Variants in AKAP19 observed in about 807,000 individuals in gnomAD.
The protein encoded by AKAP19 is A-kinase anchoring protein 19, also known as small A-kinase anchoring protein.
chr2:189,913,158 T>C, the AKAP19 span, among the ~76,000 whole-genome samples: 1 of 152,142 alleles, frequency 6.6e-6, no homozygotes, highest in South Asian at 2.1e-4. Context: ...GAACTTCTTT[T>C]TCTAAACCTA....
the AKAP19 span, among the ~76,000 whole-genome samples, chr2:189,958,207 A>G: frequency 2.0e-5 from 3 of 152,220 alleles, no homozygotes; most frequent in East Asian, 1.9e-4. Context: ...GAGCAACACC[A>G]TAAGGAACTG....
At chr2:190,190,264 T>C in the AKAP19 span, among the ~76,000 whole-genome samples, 1 of 152,202 alleles carries the variant, frequency 6.6e-6, no homozygotes, top group Non-Finnish European at 1.5e-5. Context: ...ACTACTATGA[T>C]TTCTATTCAT....
chr2:189,911,702 T>C, the AKAP19 span, among the ~76,000 whole-genome samples: 1 of 152,136 alleles, frequency 6.6e-6, no homozygotes, highest in Non-Finnish European at 1.5e-5. Context: ...CTTTAAAGGC[T>C]GATTTTTTTA....
the AKAP19 span, among the ~76,000 whole-genome samples, chr2:189,905,244 G>A: frequency 4.0e-5 from 6 of 151,844 alleles, no homozygotes; most frequent in African/African-American, 1.2e-4. Context: ...AGAAGCTGAC[G>A]CTTTAGTTGC....
At chr2:189,923,234 G>A in the AKAP19 span, 1 of 1,188,414 alleles carries the variant, frequency 8.4e-7, no homozygotes, top group Admixed American at 2.2e-5. Flanking sequence ...AGCAGCAGTC[G>A]GCTTCTCTAC....
the AKAP19 span, among the ~76,000 whole-genome samples, chr2:190,190,389 T>C: frequency 6.6e-6 from 1 of 152,248 alleles, no homozygotes; most frequent in Non-Finnish European, 1.5e-5. Flanking sequence ...TTCATCCTTT[T>C]TTAATTGTCA....
chr2:189,966,062 T>C, the AKAP19 span, among the ~76,000 whole-genome samples: 2 of 152,156 alleles, frequency 1.3e-5, no homozygotes, highest in Non-Finnish European at 2.9e-5. Context: ...TTGGAGACTA[T>C]TATTCTAAGT....
chr2:190,157,628 TA>T, the AKAP19 span, among the ~76,000 whole-genome samples: 1 of 152,186 alleles, frequency 6.6e-6, no homozygotes, highest in African/African-American at 2.4e-5. Context: ...ATTACTTAAC[TA>T]TTTTTTTAAA....
the AKAP19 span, among the ~76,000 whole-genome samples, chr2:189,947,247 C>T: frequency 6.6e-6 from 1 of 152,284 alleles, no homozygotes; most frequent in South Asian, 2.1e-4. Flanking sequence ...AGTTTGCTCT[C>T]TTAATTTCCA....
At chr2:189,891,049 A>G in the AKAP19 span, among the ~76,000 whole-genome samples, 1 of 151,964 alleles carries the variant, frequency 6.6e-6, no homozygotes, top group Non-Finnish European at 1.5e-5. Flanking sequence ...AGTGGCTGGT[A>G]TCGGTTTTTC....
the AKAP19 span, among the ~76,000 whole-genome samples, chr2:189,953,937 G>A: frequency 6.6e-6 from 1 of 152,178 alleles, no homozygotes; most frequent in Non-Finnish European, 1.5e-5. Context: ...GCCTGCAAGG[G>A]TATTGCCAAC....
At chr2:190,153,156 A>G in the AKAP19 span, among the ~76,000 whole-genome samples, 4,997 of 152,184 alleles carry the variant, frequency 0.033, 264 homozygotes, top group African/African-American at 0.11. Context: ...CGGCCTCCCA[A>G]AGTGCTGGGA....
chr2:190,098,781 C>T, the AKAP19 span, among the ~76,000 whole-genome samples: 3 of 152,144 alleles, frequency 2.0e-5, no homozygotes, highest in African/African-American at 7.2e-5. Flanking sequence ...TTAGTGTAGC[C>T]ACCTTCATCA....
the AKAP19 span, among the ~76,000 whole-genome samples, chr2:189,903,943 T>A: frequency 6.6e-6 from 1 of 152,114 alleles, no homozygotes; most frequent in African/African-American, 2.4e-5. Context: ...GGCCTCCAAC[T>A]GCATCTATGT....
chr2:189,940,967 AAAGGTC>A, the AKAP19 span, among the ~76,000 whole-genome samples: 1 of 152,218 alleles, frequency 6.6e-6, no homozygotes, highest in African/African-American at 2.4e-5. Flanking sequence ...ATAAACCCTC[AAAGGTC>A]AAGGATAAAT....
At chr2:189,968,502 A>G in the AKAP19 span, among the ~76,000 whole-genome samples, 26 of 152,214 alleles carry the variant, frequency 1.7e-4, no homozygotes, top group Admixed American at 3.3e-4. Flanking sequence ...GGCCTCCAAG[A>G]ACACTGGAAT....
the AKAP19 span, among the ~76,000 whole-genome samples, chr2:189,971,896 C>G: frequency 0.71 from 106,109 of 150,440 alleles, 38,029 homozygotes; most frequent in East Asian, 0.87. Context: ...TTTGTCAGAT[C>G]AGTAGATTGC....
At chr2:190,181,120 A>G in the AKAP19 span, 30 of 985,454 alleles carry the variant, frequency 3.0e-5, no homozygotes, top group African/African-American at 3.5e-5. Flanking sequence ...GTAAGTGAAC[A>G]TCTGGGAGGT....
At chr2:189,969,619 A>G in the AKAP19 span, among the ~76,000 whole-genome samples, 1 of 151,110 alleles carries the variant, frequency 6.6e-6, no homozygotes, top group Admixed American at 6.6e-5. Context: ...GATCCCAGCT[A>G]CTGGGGAGGC....
Sources: gnomAD v4.1 joint callset for allele counts (sites outside exome capture counted in the v4.1 genomes callset) on GRCh38, gnomAD v4.1.1 for gene constraint, MANE v1.5 for transcripts, NCBI Gene and HGNC (gene_info 2026-07-23, HGNC 2026-07-21) for gene names.